The following CPHXL2 variants were observed in gnomAD, a reference collection of about 807,000 sequenced individuals.
CPHXL2 encodes cytoplasmic polyadenylated homeobox-like protein 2.
At chr16:75,662,906 C>A in the CPHXL2 span, among the ~76,000 whole-genome samples, 1 of 148,358 alleles carries the variant, frequency 6.7e-6, no homozygotes, top group South Asian at 2.1e-4. Context: ...TCATGCTATT[C>A]TTCTGCCTCA....
chr16:75,664,596 G>C, the CPHXL2 span, among the ~76,000 whole-genome samples: 10 of 133,800 alleles, frequency 7.5e-5, no homozygotes, highest in Non-Finnish European at 1.4e-4. Context: ...TTGCACTCCA[G>C]CCTGGGCAAC....
the CPHXL2 span, among the ~76,000 whole-genome samples, chr16:75,662,831 C>T: frequency 6.9e-6 from 1 of 144,378 alleles, no homozygotes. Context: ...CGGAGTCTCG[C>T]TCTGTCGTCC....
chr16:75,665,717 T>C, the CPHXL2 span, among the ~76,000 whole-genome samples: 1 of 151,976 alleles, frequency 6.6e-6, no homozygotes, highest in Non-Finnish European at 1.5e-5. Context: ...ACAAAAATTA[T>C]CTGGACATGG....
the CPHXL2 span, among the ~76,000 whole-genome samples, chr16:75,671,538 G>A: frequency 6.6e-6 from 1 of 152,104 alleles, no homozygotes; most frequent in Non-Finnish European, 1.5e-5. Context: ...ATACTAGACT[G>A]GAAGCCCCAG....
At chr16:75,668,197 TTC>T in the CPHXL2 span, among the ~76,000 whole-genome samples, 104 of 143,612 alleles carry the variant, frequency 7.2e-4, no homozygotes, top group Non-Finnish European at 1.1e-3. Flanking sequence ...TACTGCTTAA[TTC>T]TCTCTCTCTC....
At chr16:75,669,081 G>C in the CPHXL2 span, among the ~76,000 whole-genome samples, 20 of 152,196 alleles carry the variant, frequency 1.3e-4, no homozygotes. Flanking sequence ...TTGGGAGGCC[G>C]AGATGGGTGC....
chr16:75,675,749 C>T, the CPHXL2 span, among the ~76,000 whole-genome samples: 526 of 152,154 alleles, frequency 3.5e-3, 4 homozygotes, highest in Non-Finnish European at 3.7e-3. Context: ...TAGATTTTGC[C>T]TCCAGGACAA....
the CPHXL2 span, among the ~76,000 whole-genome samples, chr16:75,674,686 A>G: frequency 6.6e-6 from 1 of 151,994 alleles, no homozygotes; most frequent in Admixed American, 6.6e-5. Flanking sequence ...CTGATTTTAA[A>G]ACTTACTATA....
At chr16:75,663,264 T>A in the CPHXL2 span, among the ~76,000 whole-genome samples, 1 of 152,194 alleles carries the variant, frequency 6.6e-6, no homozygotes, top group Non-Finnish European at 1.5e-5. Context: ...ACACACAGGA[T>A]AATTGTTTAA....
At chr16:75,673,715 C>T in the CPHXL2 span, among the ~76,000 whole-genome samples, 2 of 151,936 alleles carry the variant, frequency 1.3e-5, no homozygotes, top group Non-Finnish European at 2.9e-5. Flanking sequence ...CTGTGGCTCA[C>T]AACTGTAATC....
the CPHXL2 span, among the ~76,000 whole-genome samples, chr16:75,676,274 A>T: frequency 6.6e-6 from 1 of 152,136 alleles, no homozygotes; most frequent in African/African-American, 2.4e-5. Context: ...GAACAAAATC[A>T]CAGAATAAAA....
chr16:75,676,257 T>C, the CPHXL2 span, among the ~76,000 whole-genome samples: 14 of 152,034 alleles, frequency 9.2e-5, no homozygotes, highest in Non-Finnish European at 1.5e-4. Context: ...GTTCTCACAA[T>C]ATTTCTGAAC....
chr16:75,671,732 G>A, the CPHXL2 span, among the ~76,000 whole-genome samples: 1 of 152,212 alleles, frequency 6.6e-6, no homozygotes, highest in Non-Finnish European at 1.5e-5. Context: ...AGTAACTGGT[G>A]TTAAACACTG....
At chr16:75,675,413 C>T in the CPHXL2 span, among the ~76,000 whole-genome samples, 127 of 152,136 alleles carry the variant, frequency 8.3e-4, no homozygotes, top group African/African-American at 2.9e-3. Flanking sequence ...TAAGCCCTCA[C>T]ATTTCCAGAC....
chr16:75,668,283 C>G, the CPHXL2 span, among the ~76,000 whole-genome samples: 2 of 147,980 alleles, frequency 1.4e-5, no homozygotes, highest in East Asian at 3.9e-4. Context: ...GGCTGGAGTG[C>G]AGTGGCGGGA....
the CPHXL2 span, among the ~76,000 whole-genome samples, chr16:75,672,502 TG>T: frequency 6.6e-6 from 1 of 152,130 alleles, no homozygotes; most frequent in Non-Finnish European, 1.5e-5. Context: ...TGTTTTGTTT[TG>T]TTTTTGAGAT....
the CPHXL2 span, among the ~76,000 whole-genome samples, chr16:75,667,519 A>G: frequency 6.6e-6 from 1 of 152,226 alleles, no homozygotes; most frequent in Non-Finnish European, 1.5e-5. Context: ...CTTATAAAAT[A>G]TAACTCTAGT....
At chr16:75,675,773 G>C in the CPHXL2 span, among the ~76,000 whole-genome samples, 1 of 152,100 alleles carries the variant, frequency 6.6e-6, no homozygotes, top group African/African-American at 2.4e-5. Flanking sequence ...CAGTGGTGGG[G>C]CAAGATTTGA....
the CPHXL2 span, among the ~76,000 whole-genome samples, chr16:75,671,076 C>G: frequency 6.6e-6 from 1 of 152,150 alleles, no homozygotes; most frequent in Non-Finnish European, 1.5e-5. Flanking sequence ...CCTACCCTAA[C>G]CACCCTATTA....
Sources: gnomAD v4.1 joint callset for allele counts (sites outside exome capture counted in the v4.1 genomes callset) on GRCh38, gnomAD v4.1.1 for gene constraint, MANE v1.5 for transcripts, NCBI Gene and HGNC (gene_info 2026-07-23, HGNC 2026-07-21) for gene names.